CERS6: variants seen among roughly 807,000 people sequenced by gnomAD.
CERS6 encodes the protein LAG1 homolog, ceramide synthase 6.
In CERS6, 26 loss-of-function variants were observed where a neutral mutation model predicts 56.8. The observed-to-expected ratio is 0.46, with a 90% CI of 0.34 to 0.63. The LOEUF (loss-of-function observed/expected upper bound fraction) is 0.63. Among genes scored for constraint, CERS6 ranks in the 30% least tolerant of loss-of-function variants. The probability of loss-of-function intolerance (pLI) is 0.01; values close to 1 mark genes in which losing one functional copy is unlikely to be tolerated. For missense variants in CERS6, 415 were observed against 467.5 expected, an observed-to-expected ratio of 0.89 and a Z score of 1.04; for synonymous variants, 164 against 173.3, an observed-to-expected ratio of 0.95 and a Z score of 0.42.
At position 168,665,046 on chromosome 2, in the gene CERS6, C is replaced by CT. The variant is rs372279835; in HGVS notation, c.466-25985dup. On this transcript the variant is annotated intron_variant, in intron 4 of 9. Coordinates refer to ENST00000305747, the MANE Select transcript of CERS6 (RefSeq NM_203463.3). ...CCTACCTTGTCTTGAGCTTCTGTTTCTTTGAGTTTTTCTCTTCTTTGCAGC... is the reference window on the plus strand; with the variant it reads ...CCTACCTTGTCTTGAGCTTCTGTTTCTTTTGAGTTTTTCTCTTCTTTGCAGC... Among the ~76,000 whole-genome samples, 55 of 152,256 alleles carry CT rather than the reference C, an allele frequency of 3.6e-4. No individual in the cohort carries two copies. The East Asian group carries it at 0.01, about 28-fold the overall frequency.
At chr2:168,602,785 C>T (rs1157780089) in intron 3 of CERS6, among the ~76,000 whole-genome samples, 2 of 152,096 alleles carry the variant, frequency 1.3e-5, no homozygotes, top group African/African-American at 2.4e-5. Context: ...CCTGAGTAGC[C>T]ACTCTTTGGT....
At chr2:168,476,279 G>GA (rs921833737) in intron 1 of CERS6, among the ~76,000 whole-genome samples, 20 of 146,348 alleles carry the variant, frequency 1.4e-4, no homozygotes, top group East Asian at 4.0e-4. Flanking sequence ...AGCTAATAAA[G>GA]AAAAAAAAAT....
chr2:168,507,817 G>T (rs1329282125), intron 1 of CERS6, among the ~76,000 whole-genome samples: 1 of 152,102 alleles, frequency 6.6e-6, no homozygotes, highest in Non-Finnish European at 1.5e-5. Context: ...TTCTGAGAAA[G>T]ATCTTTCTTT....
At chr2:168,633,705 C>T (rs2105299293) in intron 4 of CERS6, among the ~76,000 whole-genome samples, 1 of 151,908 alleles carries the variant, frequency 6.6e-6, no homozygotes, top group South Asian at 2.1e-4. Context: ...TATGTTTGCC[C>T]AATCTAAACT....
chr2:168,681,522 A>G (rs529023249), intron 4 of CERS6, among the ~76,000 whole-genome samples: 35 of 152,166 alleles, frequency 2.3e-4, no homozygotes, highest in Non-Finnish European at 4.9e-4. Flanking sequence ...TTGATATGCA[A>G]TTTTACATAT....
chr2:168,562,665 T>G (rs1301437230), intron 3 of CERS6, among the ~76,000 whole-genome samples: 1 of 152,164 alleles, frequency 6.6e-6, no homozygotes, highest in Non-Finnish European at 1.5e-5. Context: ...CCTCCCACCA[T>G]AGGGCAGCTT....
At chr2:168,624,548 G>A (rs1055744741) in intron 3 of CERS6, among the ~76,000 whole-genome samples, 1 of 152,118 alleles carries the variant, frequency 6.6e-6, no homozygotes. Context: ...ATGGTATCAG[G>A]TATAAAGTAA....
chr2:168,657,431 T>C (rs1362389837), intron 4 of CERS6, among the ~76,000 whole-genome samples: 5 of 152,244 alleles, frequency 3.3e-5, no homozygotes, highest in African/African-American at 9.6e-5. Flanking sequence ...TCCTGCGCCA[T>C]GCGCTCGCAT....
intron 4 of CERS6, among the ~76,000 whole-genome samples, chr2:168,656,989 G>T (rs559775775): frequency 4.6e-5 from 7 of 152,084 alleles, no homozygotes; most frequent in African/African-American, 1.7e-4. Flanking sequence ...GATTGGTGCA[G>T]TCACAAACCT....
In CERS6 at chr2:168,660,154, A is replaced by G. The variant is rs865923180; in HGVS notation, c.465+29112A>G. On this transcript the variant is annotated intron_variant, in intron 4 of 9. Coordinates refer to ENST00000305747, the MANE Select transcript of CERS6 (RefSeq NM_203463.3). The stretch of plus-strand genomic sequence containing the variant: ...TCAGCACAACGTTCAACAGATATCT[A>G]TTGAGCGGCCTGTATGTAGGGGCTC... 1.3e-5 allele frequency among the ~76,000 whole-genome samples: 2 copies of G among 152,318 alleles called. 1 individual carries two copies.
intron 9 of CERS6, among the ~76,000 whole-genome samples, chr2:168,767,859 G>T (rs1684761685): frequency 1.3e-5 from 2 of 152,110 alleles, no homozygotes; most frequent in African/African-American, 4.8e-5. Flanking sequence ...ACCCCCTAGA[G>T]AATCACAGGA....
Position 168,657,430 on chromosome 2 carries a change from A to G in CERS6, c.465+26388A>G, listed in dbSNP as rs373817773. Among the ~76,000 whole-genome samples the G allele has an allele frequency of 6.0e-3, 909 of 152,330 alleles. 7 individuals are homozygous for G. Among genetic ancestry groups the G allele is most frequent in the African/African-American group, 0.017 (688 of 41,574 alleles). On this transcript the variant is annotated intron_variant, in intron 4 of 9. Coordinates refer to ENST00000305747, the MANE Select transcript of CERS6 (RefSeq NM_203463.3). ...TGGAGCTGCCTGCCAGTCCTGCGCC[A>G]TGCGCTCGCATTCCTCAGCCCTTGG... is the stretch of plus-strand genomic sequence containing the variant.
chr2:168,678,234 T>A (rs941649070), intron 4 of CERS6, among the ~76,000 whole-genome samples: 1 of 152,220 alleles, frequency 6.6e-6, no homozygotes, highest in African/African-American at 2.4e-5. Context: ...CATACCTTCC[T>A]AAATTGGATT....
In CERS6 at chr2:168,522,181, C is replaced by G. The variant is rs1694995064; in HGVS notation, c.171-25415C>G. Among the ~76,000 whole-genome samples the G allele has an allele frequency of 2.6e-5, 4 of 152,106 alleles. No individual in the cohort carries two copies. The South Asian group carries it at 8.3e-4, about 32-fold the overall frequency. Reference sequence around the variant, plus strand: ...GGTCTTGAATACTCAAAATGAGTCACAAACCTATGGAAATTATAATTTACA... The same window carrying G: ...GGTCTTGAATACTCAAAATGAGTCAGAAACCTATGGAAATTATAATTTACA... On this transcript the variant is annotated intron_variant, in intron 1 of 9. Coordinates refer to ENST00000305747, the MANE Select transcript of CERS6 (RefSeq NM_203463.3).
chr2:168,711,372 A>T (rs1355948203), intron 6 of CERS6, among the ~76,000 whole-genome samples: 1 of 152,230 alleles, frequency 6.6e-6, no homozygotes, highest in Non-Finnish European at 1.5e-5. Flanking sequence ...AGTATTACTT[A>T]ATCACTGTGG....
intron 1 of CERS6, among the ~76,000 whole-genome samples, chr2:168,527,541 C>G (rs1695091885): frequency 6.6e-6 from 1 of 152,110 alleles, no homozygotes. Flanking sequence ...TCTCACAGTT[C>G]TAGAGGCTGG....
chr2:168,533,371 C>T (rs1237401471), intron 1 of CERS6, among the ~76,000 whole-genome samples: 1 of 149,880 alleles, frequency 6.7e-6, no homozygotes, highest in Admixed American at 6.6e-5. Flanking sequence ...TTGGAATAGA[C>T]TGGAATAGTT....
chr2:168,707,290 A>G (rs1686981290), intron 6 of CERS6, among the ~76,000 whole-genome samples: 1 of 152,210 alleles, frequency 6.6e-6, no homozygotes, highest in African/African-American at 2.4e-5. Flanking sequence ...AGAGAAATCT[A>G]TAATCTATTG....
intron 9 of CERS6, chr2:168,766,295 G>A (rs745753123): frequency 6.3e-7 from 1 of 1,596,264 alleles, no homozygotes; most frequent in South Asian, 1.1e-5. Flanking sequence ...TTACTTGTTT[G>A]TTCTCTTCCT....
Sources: gnomAD v4.1 joint callset for allele counts (sites outside exome capture counted in the v4.1 genomes callset) on GRCh38, gnomAD v4.1.1 for gene constraint, MANE v1.5 for transcripts, NCBI Gene and HGNC (gene_info 2026-07-23, HGNC 2026-07-21) for gene names.